PAK4: variants seen among roughly 807,000 people sequenced by gnomAD.
PAK4 encodes serine/threonine-protein kinase PAK 4.
Under a neutral mutation model 53.5 loss-of-function variants are expected in PAK4, and 49 were observed. The ratio of observed to expected loss-of-function variants is 0.92; its 90% CI spans 0.73 to 1.16. PAK4 has a LOEUF of 1.16. PAK4 is among the 50% of genes most tolerant of loss of function. PAK4 has a pLI of 0.00. For synonymous variants in PAK4, 376 were observed against 375.6 expected (o/e 1.00, Z -0.01); for missense variants, 824 against 850.7 (o/e 0.97, Z 0.39).
chr19:39,165,195 G>GATGATGATAATAATA (rs1364745681), intron 1 of PAK4, among the ~76,000 whole-genome samples: 10 of 128,438 alleles, frequency 7.8e-5, no homozygotes, highest in African/African-American at 2.7e-4. Context: ...TGATGATGAT[G>GATGATGATAATAATA]ATAATAATAA....
chr19:39,141,761 G>T lies in PAK4; in HGVS notation c.-23+15842G>T, dbSNP rs1448735386. On this transcript the variant is annotated intron_variant, in intron 1 of 8. Coordinates refer to ENST00000358301, the Ensembl canonical transcript of PAK4. ...GCACTTCTCCCTGCCTCAGCCTCCC[G>T]AGTAGCTGGGATTACAGGCGCCCGC... is the stretch of plus-strand genomic sequence containing the variant. Among the ~76,000 whole-genome samples the T allele has an allele frequency of 2.6e-5, 4 of 152,112 alleles. No individual in the cohort carries two copies. In the South Asian group the frequency reaches 8.3e-4, roughly 32 times the overall value.
At chr19:39,176,173 A>G (rs2074600454) in intron 6 of PAK4, among the ~76,000 whole-genome samples, 1 of 152,232 alleles carries the variant, frequency 6.6e-6, no homozygotes, top group Non-Finnish European at 1.5e-5. Context: ...TCGCAAAGGC[A>G]GGCTGTGTCC....
chr19:39,175,003 C>G lies in PAK4; in HGVS notation c.1171C>G (p.Leu391Val), dbSNP rs776379222. ...CAACAGCTACCTGGTGGGGGACGAG[C>G]TCTGGGTGGTCATGGAGTTCCTGGA... The change falls in exon 5 of 9, where the codon CTC (leucine) becomes GTC (valine). Residue 391 changes from leucine to valine, a missense_variant. Transcript: ENST00000358301. The surrounding 1 kb of genome is among the most constrained non-coding windows in gnomAD (Gnocchi z 4.7). The G allele has an allele frequency of 5.0e-6, 8 of 1,613,734 alleles. No individual in the cohort carries two copies. Among genetic ancestry groups the G allele is most frequent in the Non-Finnish European group, 6.8e-6 (8 of 1,179,916 alleles).
chr19:39,159,403 TCAGA>T (rs1392624029), intron 1 of PAK4, among the ~76,000 whole-genome samples: 1 of 152,296 alleles, frequency 6.6e-6, no homozygotes, highest in South Asian at 2.1e-4. Context: ...AGGGTTTTTT[TCAGA>T]CAGAGTCTCA....
rs778331285 is a variant in PAK4, at chr19:39,176,746, C to T, written c.1485+31C>T. ...CCCCGGGGTGGCTTGGTTGTCCCGCCGTGGACAGCGTACGCTGCCATTTTC... is the reference window on the plus strand; with the variant it reads ...CCCCGGGGTGGCTTGGTTGTCCCGCTGTGGACAGCGTACGCTGCCATTTTC... On this transcript the variant is annotated intron_variant, in intron 7 of 8. Transcript: ENST00000358301. The T allele has an allele frequency of 1.1e-5, 17 of 1,601,366 alleles. No homozygotes were observed. In the Middle Eastern group the frequency reaches 5.0e-4, roughly 47 times the overall value.
intron 1 of PAK4, among the ~76,000 whole-genome samples, chr19:39,152,996 T>C (rs931139964): frequency 3.9e-5 from 6 of 152,280 alleles, no homozygotes; most frequent in Middle Eastern, 3.4e-3. Context: ...TGGTACCTCC[T>C]GCGGGGGTTC....
chr19:39,154,883 G>T (rs1032008406), intron 1 of PAK4, among the ~76,000 whole-genome samples: 2 of 152,162 alleles, frequency 1.3e-5, no homozygotes, highest in African/African-American at 4.8e-5. Flanking sequence ...CTGTGGTCCA[G>T]AGCCTGGCCC....
intron 1 of PAK4, 63 bp downstream of exon 2, chr19:39,168,365 G>C (rs1258907097): frequency 6.6e-6 from 1 of 152,270 alleles, no homozygotes; most frequent in Admixed American, 6.5e-5. Context: ...GGGCCTTAGG[G>C]GGGAGCAGGA....
Position 39,173,218 on chromosome 19 carries a change from G to A in PAK4, c.505G>A (p.Gly169Ser), listed in dbSNP as rs923254806. 1.3e-6 allele frequency: 2 copies of A among 1,559,208 alleles called. No homozygotes were observed. The highest frequency in any genetic ancestry group is 1.4e-5 in the African/African-American group (1 of 73,610). Residue 169 changes from glycine (G) to serine (S), a missense_variant, in exon 3 of 9, where the codon GGT becomes AGT. This residue lies in a region of PAK4 where 478 missense variants were observed against 435.8 expected (regional missense o/e 1.10). Transcript: ENST00000358301. The surrounding 1 kb of genome is among the most constrained non-coding windows in gnomAD (Gnocchi z 6.9). ...CAAGTCTTCCAGGGAGGGCTCAGGG[G>A]GTCCCCAGGAGTCCTCCCGGGACAA...
At position 39,173,671 on chromosome 19, in the gene PAK4, C is replaced by G. The variant is rs1018859374; in HGVS notation, c.759C>G (p.Ala253=). ...CCTCCTCCCGGCCTCCCACCCGAGC[C>G]CGAGGTGCCCCCAGCCCTGGAGTGC... Residue 253 remains alanine (A), a synonymous_variant, in exon 4 of 9, where the codon GCC becomes GCG. Transcript: ENST00000358301. This position sits in a 1 kb window ranked among gnomAD's most constrained non-coding sequence, Gnocchi z 6.9. 6.3e-7 allele frequency: 1 copy of G among 1,588,080 alleles called. No individual in the cohort carries two copies. Among genetic ancestry groups the G allele is most frequent in the Non-Finnish European group, 8.6e-7 (1 of 1,165,464 alleles).
At chr19:39,157,898 C>T (rs2074212704) in intron 1 of PAK4, among the ~76,000 whole-genome samples, 1 of 152,188 alleles carries the variant, frequency 6.6e-6, no homozygotes, top group Admixed American at 6.5e-5. Context: ...GGGTATGTAT[C>T]TGCATGTCTG....
intron 1 of PAK4, among the ~76,000 whole-genome samples, chr19:39,162,989 A>T (rs942804284): frequency 7.9e-5 from 12 of 151,916 alleles, no homozygotes; most frequent in African/African-American, 2.4e-4. Context: ...GCCGTGCAGG[A>T]TGGGGGCAAG....
rs905788750 is a variant in PAK4, at chr19:39,173,432, C to T, written c.663+56C>T. 1.2e-5 allele frequency: 17 copies of T among 1,398,360 alleles called. No individual in the cohort carries two copies. The African/African-American group carries it at 2.5e-4, about 20-fold the overall frequency. 86.6% of individuals were successfully genotyped at this position (1,398,360 alleles called of 1,614,324 possible). On this transcript the variant is annotated intron_variant, in intron 3 of 8. Coordinates refer to ENST00000358301, the Ensembl canonical transcript of PAK4. The surrounding 1 kb of genome is among the most constrained non-coding windows in gnomAD (Gnocchi z 6.9). ...TGTCCCCTGCCCGTTGCTCCTCTGT[C>T]CCCACCTTCCAGCCCCGCCCCACCA...
At chr19:39,147,925 C>T in intron 1 of PAK4, among the ~76,000 whole-genome samples, 1 of 95,800 alleles carries the variant, frequency 1.0e-5, no homozygotes, top group Non-Finnish European at 2.0e-5. Flanking sequence ...CCACCAGGTT[C>T]TCATATGAGA....
chr19:39,181,166 ACTC>A (rs1181590027), downstream of PAK4: 1 of 151,580 alleles, frequency 6.6e-6, no homozygotes, highest in African/African-American at 2.4e-5. Flanking sequence ...CTGGTTTCGA[ACTC>A]CTGGCCTCAA....
intron 1 of PAK4, among the ~76,000 whole-genome samples, chr19:39,157,030 G>A (rs2145213442): frequency 6.6e-6 from 1 of 152,270 alleles, no homozygotes; most frequent in East Asian, 1.9e-4. Context: ...GTCTGCTGGG[G>A]ACTTGCAGGC....
intron 8 of PAK4, 135 bp downstream of exon 9, chr19:39,177,944 C>A: frequency 2.0e-6 from 2 of 1,012,234 alleles, no homozygotes; most frequent in East Asian, 5.5e-5. Flanking sequence ...GGCCCCCCAC[C>A]CCCGGGCCTC....
At position 39,173,638 on chromosome 19, in the gene PAK4, C is replaced by G. The variant is rs935631992; in HGVS notation, c.726C>G (p.Ser242=). The G allele has an allele frequency of 2.7e-6, 4 of 1,507,798 alleles. No homozygotes were observed. Among genetic ancestry groups the G allele is most frequent in the Middle Eastern group, 1.8e-4 (1 of 5,632 alleles). The allele number at this position is 1,507,798 out of a possible 1,614,324, so 93.4% of individuals were successfully genotyped here. ...CGGGGGGCCTGGCCATCCCCCAGTCCTCCTCCTCCTCCTCCCGGCCTCCCA... is the reference window on the plus strand; with the variant it reads ...CGGGGGGCCTGGCCATCCCCCAGTCGTCCTCCTCCTCCTCCCGGCCTCCCA... The change falls in exon 4 of 9, where the codon TCC becomes TCG. Residue 242 remains serine (S), a synonymous_variant. Coordinates refer to ENST00000358301, the Ensembl canonical transcript of PAK4. This position sits in a 1 kb window ranked among gnomAD's most constrained non-coding sequence, Gnocchi z 6.9.
In PAK4 at chr19:39,175,528, G is replaced by T; in HGVS notation, c.1359+90G>T. 1 of 1,350,474 alleles carries T rather than the reference G, an allele frequency of 7.4e-7. No individual in the cohort carries two copies. The highest frequency in any genetic ancestry group is 1.0e-6 in the Non-Finnish European group (1 of 981,602). 83.7% of individuals were successfully genotyped at this position (1,350,474 alleles called of 1,614,324 possible). A position where few individuals can be genotyped will look rare whatever the true frequency, so the allele number is the denominator to read the frequency against. ...TCCCATCCCCTGTGAGGGTAGGTGA[G>T]CTCTGACCCCCAGGTCTGTGTCTTG... On this transcript the variant is annotated intron_variant, in intron 6 of 8. Coordinates refer to ENST00000358301, the Ensembl canonical transcript of PAK4. This position sits in a 1 kb window ranked among gnomAD's most constrained non-coding sequence, Gnocchi z 4.7.
Sources: gnomAD v4.1 joint callset for allele counts (sites outside exome capture counted in the v4.1 genomes callset) on GRCh38, gnomAD v4.1.1 for gene constraint, gnomAD v4.1.1 regional missense constraint, Gnocchi (gnomAD v3.1) non-coding constraint, MANE v1.5 for transcripts, NCBI Gene and HGNC (gene_info 2026-07-23, HGNC 2026-07-21) for gene names.